NKAIN2: variants seen among roughly 807,000 people sequenced by gnomAD.
NKAIN2 encodes the protein sodium/potassium transporting ATPase interacting 2.
NKAIN2 carries 14 observed loss-of-function variants against 32.6 expected under a neutral mutation model. The ratio of observed to expected loss-of-function variants is 0.43; its 90% CI spans 0.28 to 0.67. The LOEUF (loss-of-function observed/expected upper bound fraction) is 0.67, where lower values mean the gene tolerates loss of function less well. Among genes scored for constraint, NKAIN2 ranks in the 30% least tolerant of loss-of-function variants. The probability of loss-of-function intolerance (pLI) is 0.17; values close to 1 mark genes in which losing one functional copy is unlikely to be tolerated. For missense variants in NKAIN2, 198 were observed against 258.3 expected (o/e 0.77, Z 1.60); for synonymous variants, 80 against 87.2 (o/e 0.92, Z 0.46).
At chr6:124,701,356 A>C (rs1421741104) in intron 4 of NKAIN2, among the ~76,000 whole-genome samples, 1 of 152,098 alleles carries the variant, frequency 6.6e-6, no homozygotes, top group Non-Finnish European at 1.5e-5. Flanking sequence ...TCTTTGTTTG[A>C]GCTGCTCAAC....
intron 1 of NKAIN2, among the ~76,000 whole-genome samples, chr6:124,246,255 G>A (rs1299065396): frequency 2.6e-5 from 4 of 151,982 alleles, no homozygotes; most frequent in African/African-American, 9.7e-5. Context: ...TCATTTAAAT[G>A]CACATGTCTG....
chr6:124,407,284 T>C (rs1215534010), intron 3 of NKAIN2, among the ~76,000 whole-genome samples: 1 of 152,100 alleles, frequency 6.6e-6, no homozygotes, highest in African/African-American at 2.4e-5. Context: ...CATGTTGGTG[T>C]GCTGCACCCA....
At chr6:124,358,273 T>C (rs1218364439) in intron 3 of NKAIN2, among the ~76,000 whole-genome samples, 7 of 152,146 alleles carry the variant, frequency 4.6e-5, no homozygotes, top group Non-Finnish European at 4.4e-5. Flanking sequence ...TGTTTTATAG[T>C]CCTTTGGGTA....
chr6:124,271,169 G>A (rs1794747806), intron 1 of NKAIN2, among the ~76,000 whole-genome samples: 1 of 152,016 alleles, frequency 6.6e-6, no homozygotes, highest in African/African-American at 2.4e-5. Context: ...ATGATTGTAA[G>A]TTTCCTGGGG....
At chr6:124,181,554 TG>T (rs1789448092) in intron 1 of NKAIN2, among the ~76,000 whole-genome samples, 1 of 152,118 alleles carries the variant, frequency 6.6e-6, no homozygotes, top group East Asian at 1.9e-4. Flanking sequence ...ATAAATAAAA[TG>T]GAATACTTCT....
chr6:124,571,657 A>G (rs1781132383), intron 3 of NKAIN2, among the ~76,000 whole-genome samples: 1 of 151,962 alleles, frequency 6.6e-6, no homozygotes, highest in African/African-American at 2.4e-5. Flanking sequence ...TTTTCTTCCC[A>G]GTCTTGGGTA....
chr6:123,968,675 A>G (rs1205737625), intron 1 of NKAIN2, among the ~76,000 whole-genome samples: 1 of 152,118 alleles, frequency 6.6e-6, no homozygotes, highest in Non-Finnish European at 1.5e-5. Flanking sequence ...GGCTCCTTTC[A>G]TGATAAACTT....
intron 3 of NKAIN2, among the ~76,000 whole-genome samples, chr6:124,608,404 T>A (rs1013471768): frequency 6.6e-6 from 1 of 152,244 alleles, no homozygotes; most frequent in African/African-American, 2.4e-5. Flanking sequence ...AGGTAGTAAA[T>A]GGCAATATAT....
At chr6:124,331,345 CAAAAAAAAAAAAAAAAAAAAA>C (rs1162529828) in intron 2 of NKAIN2, among the ~76,000 whole-genome samples, 9 of 20,814 alleles carry the variant, frequency 4.3e-4, no homozygotes, top group East Asian at 3.6e-3. Context: ...ACTAAATATA[CAAAAAAAAAAAAAAAAAAAAA>C]AAAAAAAAAA....
chr6:124,075,876 A>G (rs561273726), intron 1 of NKAIN2, among the ~76,000 whole-genome samples: 1 of 152,344 alleles, frequency 6.6e-6, no homozygotes, highest in Admixed American at 6.5e-5. Flanking sequence ...GATTACAGGC[A>G]TGAGCCACTG....
At chr6:123,861,794 A>G (rs1489318038) in intron 1 of NKAIN2, among the ~76,000 whole-genome samples, 2 of 152,086 alleles carry the variant, frequency 1.3e-5, no homozygotes, top group Non-Finnish European at 2.9e-5. Context: ...GCATAGTTAT[A>G]TTTTACATTC....
rs371582700 is a variant in NKAIN2, at chr6:124,116,119, TCA to T, written c.55-166885_55-166884del. ...TAACAAAATTCTTATTGGGTTAATATCAGTTTTTCAGATAAAACGTTATTCTT... is the reference window on the plus strand; with the variant it reads ...TAACAAAATTCTTATTGGGTTAATATGTTTTTCAGATAAAACGTTATTCTT... On this transcript the variant is annotated intron_variant, in intron 1 of 6. Coordinates refer to ENST00000368417, the MANE Select transcript of NKAIN2 (RefSeq NM_001040214.3). Among the ~76,000 whole-genome samples, 793 of 152,228 alleles carry T rather than the reference TCA, an allele frequency of 5.2e-3. 4 individuals carry two copies. The highest frequency in any genetic ancestry group is 0.026 in the South Asian group (126 of 4,824).
chr6:124,377,150 T>G (rs1008080672), intron 3 of NKAIN2, among the ~76,000 whole-genome samples: 1 of 152,240 alleles, frequency 6.6e-6, no homozygotes, highest in Admixed American at 6.5e-5. Flanking sequence ...TGGGTGATAT[T>G]TAATATCAGT....
chr6:124,197,175 A>G (rs1480775705), intron 1 of NKAIN2, among the ~76,000 whole-genome samples: 6 of 151,886 alleles, frequency 4.0e-5, no homozygotes, highest in African/African-American at 1.2e-4. Flanking sequence ...TCCATCTTTT[A>G]TTTTAAAATA....
chr6:124,419,998 G>A (rs1774675913), intron 3 of NKAIN2, among the ~76,000 whole-genome samples: 2 of 152,012 alleles, frequency 1.3e-5, no homozygotes, highest in South Asian at 4.1e-4. Context: ...TGTTCATATA[G>A]GGAGGAGAGG....
intron 1 of NKAIN2, among the ~76,000 whole-genome samples, chr6:124,093,989 C>G (rs1028517538): frequency 6.6e-6 from 1 of 152,142 alleles, no homozygotes; most frequent in Non-Finnish European, 1.5e-5. Context: ...GCAGGCAAGG[C>G]ATTTGATATA....
At chr6:124,264,501 A>C (rs896168786) in intron 1 of NKAIN2, among the ~76,000 whole-genome samples, 2 of 152,210 alleles carry the variant, frequency 1.3e-5, no homozygotes, top group African/African-American at 4.8e-5. Flanking sequence ...ATTAAAAATA[A>C]GTCTAATATA....
At chr6:124,000,593 A>T (rs1391205719) in intron 1 of NKAIN2, among the ~76,000 whole-genome samples, 2 of 152,024 alleles carry the variant, frequency 1.3e-5, no homozygotes, top group Admixed American at 6.6e-5. Flanking sequence ...AACTCTGTGG[A>T]TAATTTTTTC....
intron 1 of NKAIN2, among the ~76,000 whole-genome samples, chr6:124,003,319 A>G (rs1771843921): frequency 6.6e-6 from 1 of 152,152 alleles, no homozygotes; most frequent in South Asian, 2.1e-4. Context: ...ATGTGGGACC[A>G]TCTTACATAT....
Sources: gnomAD v4.1 joint callset for allele counts (sites outside exome capture counted in the v4.1 genomes callset) on GRCh38, gnomAD v4.1.1 for gene constraint, MANE v1.5 for transcripts, NCBI Gene and HGNC (gene_info 2026-07-23, HGNC 2026-07-21) for gene names.